The following ERI1 variants were observed in gnomAD, a reference collection of about 807,000 sequenced individuals.
The protein encoded by ERI1 is exoribonuclease 1.
In ERI1, 39 loss-of-function variants were observed where a neutral mutation model predicts 39.7. That is an observed-to-expected ratio of 0.98 (90% CI 0.76 to 1.28). The LOEUF is 1.28. Among genes scored for constraint, ERI1 ranks in the 50% most tolerant of loss-of-function variants. ERI1 has a pLI of 0.00. For missense variants in ERI1, 581 were observed against 416.9 expected (o/e 1.39, Z -3.43); for synonymous variants, 204 against 149.6 (o/e 1.36, Z -2.65).
At chr8:9,011,036 C>G (rs1018035517) in intron 2 of ERI1, among the ~76,000 whole-genome samples, 14 of 152,104 alleles carry the variant, frequency 9.2e-5, no homozygotes, top group South Asian at 4.1e-4. Context: ...GCTCATAATG[C>G]TTTCATATTC....
chr8:9,028,354 G>C (rs1262176219), intron 6 of ERI1, among the ~76,000 whole-genome samples: 1 of 152,098 alleles, frequency 6.6e-6, no homozygotes, highest in Non-Finnish European at 1.5e-5. Flanking sequence ...CAGTGTGTTG[G>C]GCAAACTATT....
Position 9,018,643 on chromosome 8 carries a change from CTT to C in ERI1, c.692+239_692+240del, listed in dbSNP as rs372307138. 7.3e-3 allele frequency among the ~76,000 whole-genome samples: 1,114 copies of C among 152,282 alleles called. 13 individuals are homozygous for C. Among genetic ancestry groups the C allele is most frequent in the African/African-American group, 0.026 (1,071 of 41,562 alleles). ...TTAAAAATATGTAAAGCTAAAAAGA[CTT>C]TGCTAAAACTCTGTTTTTTCATGAC... On this transcript the variant is annotated intron_variant, in intron 5 of 6. Transcript: ENST00000250263.
intron 3 of ERI1, among the ~76,000 whole-genome samples, chr8:9,087,390 G>T (rs1290348433): frequency 2.0e-5 from 3 of 150,082 alleles, no homozygotes; most frequent in African/African-American, 7.3e-5. Context: ...TGGATTACAG[G>T]TGCATGTCAC....
At chr8:9,077,965 A>G (rs930678806) in intron 3 of ERI1, among the ~76,000 whole-genome samples, 32 of 152,194 alleles carry the variant, frequency 2.1e-4, no homozygotes, top group Admixed American at 2.0e-3. Context: ...GGTCTTGGTG[A>G]CACTGATCCA....
Position 9,030,317 on chromosome 8 carries a change from T to C in ERI1, c.*283T>C. 2.9e-6 allele frequency: 1 copy of C among 350,718 alleles called. No individual in the cohort carries two copies. The highest frequency in any genetic ancestry group is 4.1e-5 in the Admixed American group (1 of 24,286). The allele number at this position is 350,718 out of a possible 1,614,324, so 21.7% of individuals were successfully genotyped here. On this transcript the variant is annotated 3_prime_UTR_variant, in exon 7 of 7. Coordinates refer to ENST00000250263, the MANE Select transcript of ERI1 (RefSeq NM_153332.4). ...TTAAGGTGTTCAAGATATATTCTTT[T>C]TGGTTTTAAAATGCAAAATCTTATT...
chr8:9,099,722 T>C (rs1320152924), intron 3 of ERI1: 2 of 152,212 alleles, frequency 1.3e-5, no homozygotes, highest in African/African-American at 4.8e-5. Flanking sequence ...CATTGTATGA[T>C]ACAGCAATTT....
intron 5 of ERI1, among the ~76,000 whole-genome samples, chr8:9,020,106 A>C (rs747619770): frequency 5.3e-5 from 8 of 152,230 alleles, no homozygotes; most frequent in Non-Finnish European, 1.0e-4. Flanking sequence ...CCATGAAAAC[A>C]ATCAAGATGA....
At chr8:9,018,163 C>A in intron 4 of ERI1, 134 bp from the exon 5 acceptor site, 1 of 523,054 alleles carries the variant, frequency 1.9e-6, no homozygotes, top group Non-Finnish European at 3.5e-6. Flanking sequence ...TGGAGCTAAG[C>A]CAAGGAAACC....
rs751980629 is a variant in ERI1 at position 9,011,793 on chromosome 8, A to G, written c.498+41A>G. 13 of 1,470,154 alleles carry G rather than the reference A, an allele frequency of 8.8e-6. 1 individual carries two copies. The highest frequency in any genetic ancestry group is 4.9e-5 in the South Asian group (4 of 81,462). 91.1% of individuals were successfully genotyped at this position (1,470,154 alleles called of 1,614,324 possible). A position where few individuals can be genotyped will look rare whatever the true frequency, so the allele number is the denominator to read the frequency against. ...TATTTTAATTGTATTTCTAGCAGCA[A>G]CTATTCTGGTGTTTACTGGTTATGT... is the stretch of plus-strand genomic sequence containing the variant. On this transcript the variant is annotated intron_variant, in intron 3 of 6. Coordinates refer to ENST00000250263, the MANE Select transcript of ERI1 (RefSeq NM_153332.4).
chr8:9,017,085 G>C (rs1293864967), intron 4 of ERI1, among the ~76,000 whole-genome samples: 1 of 151,962 alleles, frequency 6.6e-6, no homozygotes, highest in Non-Finnish European at 1.5e-5. Flanking sequence ...TGTTGCCCAG[G>C]CTGGAGTGCA....
intron 3 of ERI1, among the ~76,000 whole-genome samples, chr8:9,079,568 G>A (rs1799309936): frequency 6.6e-6 from 1 of 152,196 alleles, no homozygotes; most frequent in African/African-American, 2.4e-5. Context: ...GAAAGAAGCT[G>A]AGGCCTAAAA....
chr8:9,063,637 T>C (rs1789748572), intron 3 of ERI1, among the ~76,000 whole-genome samples: 1 of 151,582 alleles, frequency 6.6e-6, no homozygotes, highest in Admixed American at 6.6e-5. Flanking sequence ...TTGGGATGAG[T>C]TGCATGGGGA....
At chr8:9,098,659 A>C (rs961860318) in intron 3 of ERI1, among the ~76,000 whole-genome samples, 5 of 152,162 alleles carry the variant, frequency 3.3e-5, no homozygotes, top group African/African-American at 1.2e-4. Context: ...AAATCACAGA[A>C]GTCACCACAA....
intron 3 of ERI1, among the ~76,000 whole-genome samples, chr8:9,014,495 T>C (rs1016228668): frequency 3.9e-5 from 6 of 152,110 alleles, no homozygotes; most frequent in African/African-American, 1.4e-4. Flanking sequence ...GGCACCCAGG[T>C]TCCTTTAGTT....
chr8:9,075,868 G>C (rs1415976304), intron 3 of ERI1, among the ~76,000 whole-genome samples: 5 of 152,226 alleles, frequency 3.3e-5, no homozygotes, highest in Admixed American at 2.6e-4. Context: ...GAACTCTTGG[G>C]CTCAAGCCAT....
chr8:9,047,999 T>C (rs185099486), intron 3 of ERI1, among the ~76,000 whole-genome samples: 3 of 152,296 alleles, frequency 2.0e-5, no homozygotes, highest in Admixed American at 2.0e-4. Context: ...AAGTCAACTC[T>C]CTTGTCCAAG....
intron 3 of ERI1, among the ~76,000 whole-genome samples, chr8:9,070,885 C>G (rs942703021): frequency 6.6e-6 from 1 of 152,108 alleles, no homozygotes; most frequent in Non-Finnish European, 1.5e-5. Flanking sequence ...TGTGCAGGGC[C>G]GGGCAGGGAA....
At chr8:9,022,255 C>G (rs576312055) in intron 6 of ERI1, among the ~76,000 whole-genome samples, 6 of 152,088 alleles carry the variant, frequency 3.9e-5, no homozygotes, top group East Asian at 1.9e-4. Context: ...TTGCGAACCC[C>G]TTATTTAAAT....
chr8:9,099,154 C>A (rs141568175), intron 3 of ERI1, among the ~76,000 whole-genome samples: 2 of 151,494 alleles, frequency 1.3e-5, no homozygotes, highest in African/African-American at 4.8e-5. Context: ...TAAGTTTTAA[C>A]ATCTGTATAT....
Sources: allele counts gnomAD v4.1 joint callset (sites outside exome capture counted in the v4.1 genomes callset), GRCh38; gene constraint gnomAD v4.1.1; transcripts MANE v1.5; gene names NCBI Gene and HGNC (gene_info 2026-07-23, HGNC 2026-07-21).